The following FZD6 variants were observed in gnomAD, a reference collection of about 807,000 sequenced individuals.
FZD6 encodes the protein frizzled class receptor 6, also known as frizzled-6.
Under a neutral mutation model 61.4 loss-of-function variants are expected in FZD6, and 49 were observed. That is an observed-to-expected ratio of 0.80 (90% CI 0.63 to 1.01). The LOEUF (loss-of-function observed/expected upper bound fraction) is 1.01. FZD6 is among the 50% of genes least tolerant of loss of function. The probability of loss-of-function intolerance (pLI) is 0.00; values close to 1 mark genes in which losing one functional copy is unlikely to be tolerated. For synonymous variants in FZD6, 265 were observed against 292.2 expected (o/e 0.91, Z 0.95); for missense variants, 724 against 848.2 (o/e 0.85, Z 1.82).
intron 2 of FZD6, among the ~76,000 whole-genome samples, chr8:103,315,300 C>T (rs371065788): frequency 3.9e-5 from 6 of 152,116 alleles, no homozygotes; most frequent in East Asian, 1.9e-4. Context: ...CTCACTTCTA[C>T]GTAGCTTTAT....
intron 1 of FZD6, 60 bp downstream of exon 1, chr8:103,299,055 G>T: frequency 6.5e-6 from 1 of 152,690 alleles, no homozygotes; most frequent in Non-Finnish European, 1.5e-5. Flanking sequence ...GAAGCGGGGA[G>T]GGCCTCGAGG....
chr8:103,303,324 C>T (rs992696429), intron 2 of FZD6, among the ~76,000 whole-genome samples: 23 of 152,204 alleles, frequency 1.5e-4, no homozygotes, highest in African/African-American at 5.5e-4. Context: ...CTTTCTTCAC[C>T]TGCTCAATTC....
Position 103,332,450 on chromosome 8 carries a change from G to A in FZD6, c.*941G>A, listed in dbSNP as rs2130353737. ...AGAATATTACATTTTGTATTATACA[G>A]TACCTTTCTCAGACATTTTGTAGAA... On this transcript the variant is annotated 3_prime_UTR_variant, in exon 7 of 7. Transcript: ENST00000358755. The A allele has an allele frequency of 6.6e-6, 1 of 152,046 alleles. No individual in the cohort carries two copies. Among genetic ancestry groups the A allele is most frequent in the East Asian group, 1.9e-4 (1 of 5,184 alleles). 9.4% of individuals were successfully genotyped at this position (152,046 alleles called of 1,614,324 possible).
intron 4 of FZD6, among the ~76,000 whole-genome samples, chr8:103,325,800 G>A: frequency 6.6e-6 from 1 of 152,174 alleles, no homozygotes; most frequent in Non-Finnish European, 1.5e-5. Context: ...GACATTGGGA[G>A]AAAAACAGAA....
At chr8:103,328,628 A>G (rs1815026132) in intron 5 of FZD6, among the ~76,000 whole-genome samples, 1 of 151,690 alleles carries the variant, frequency 6.6e-6, no homozygotes, top group Non-Finnish European at 1.5e-5. Context: ...TTTATCATAT[A>G]GTATATGTCT....
rs762588534 is a variant in FZD6, at chr8:103,329,972, C to T, written c.1859C>T (p.Ser620Leu). 6.8e-6 allele frequency: 11 copies of T among 1,613,988 alleles called. No homozygotes were observed. Among genetic ancestry groups the T allele is most frequent in the East Asian group, 4.5e-5 (2 of 44,882 alleles). ...GAACAGGACTGTGGTGAACCTGCCT[C>T]GCCAGCAGCATCCATCTCCAGACTC... Reference protein sequence around the residue: ...LREQDCGEPASPAASISRLSG... With the variant: ...LREQDCGEPALPAASISRLSG... Residue 620 changes from serine to leucine, a missense_variant, in exon 6 of 7, where the codon TCG (serine) becomes TTG (leucine). By Grantham distance (145) the Ser-to-Leu change is moderately radical. Transcript: ENST00000358755.
chr8:103,320,090 G>A (rs1460510759), intron 3 of FZD6, among the ~76,000 whole-genome samples: 1 of 58,598 alleles, frequency 1.7e-5, no homozygotes, highest in Non-Finnish European at 3.1e-5. Context: ...GAAAGGATAG[G>A]ATGGCTGTGG....
chr8:103,307,719 GT>G (rs11312808), intron 2 of FZD6: 173,456 of 411,432 alleles, frequency 0.42, 23,469 homozygotes, highest in East Asian at 0.54. Flanking sequence ...TCTAAGGTGT[GT>G]TTTTTTTTTT....
chr8:103,302,725 T>C (rs1814208309), intron 2 of FZD6, among the ~76,000 whole-genome samples: 1 of 152,240 alleles, frequency 6.6e-6, no homozygotes, highest in Non-Finnish European at 1.5e-5. Context: ...AAAATTAAAC[T>C]GGGTGATTGT....
intron 2 of FZD6, among the ~76,000 whole-genome samples, chr8:103,301,577 G>T (rs1814172564): frequency 6.6e-6 from 1 of 151,900 alleles, no homozygotes; most frequent in African/African-American, 2.4e-5. Flanking sequence ...TAAGGTTTTT[G>T]TTTTTTCTTT....
At chr8:103,318,564 TA>T in intron 2 of FZD6, 25 bp from the exon 3 acceptor site, 1 of 1,318,390 alleles carries the variant, frequency 7.6e-7, no homozygotes, top group Non-Finnish European at 1.1e-6. Context: ...AAATGTTTTC[TA>T]ACTGTATCTT....
intron 3 of FZD6, among the ~76,000 whole-genome samples, chr8:103,323,215 T>G (rs1473118058): frequency 1.3e-5 from 2 of 152,174 alleles, no homozygotes; most frequent in African/African-American, 4.8e-5. Context: ...TAATGAATAC[T>G]TCTGAGGAGA....
At chr8:103,315,115 T>A (rs1814593592) in intron 2 of FZD6, among the ~76,000 whole-genome samples, 1 of 152,192 alleles carries the variant, frequency 6.6e-6, no homozygotes, top group Admixed American at 6.5e-5. Context: ...TTTCTTTCAT[T>A]TCAATGGCAT....
intron 2 of FZD6, among the ~76,000 whole-genome samples, chr8:103,304,663 A>C (rs1814278907): frequency 6.6e-6 from 1 of 152,250 alleles, no homozygotes. Context: ...TGTCTCAATA[A>C]AACTTTATTT....
At chr8:103,322,591 A>AT (rs981159246) in intron 3 of FZD6, among the ~76,000 whole-genome samples, 130 of 151,798 alleles carry the variant, frequency 8.6e-4, no homozygotes, top group Middle Eastern at 3.4e-3. Context: ...GTCTTGATTA[A>AT]TTTTTTTTTC....
At chr8:103,330,193 T>C (rs1815082772) in intron 6 of FZD6, 128 bp downstream of exon 6, 3 of 849,790 alleles carry the variant, frequency 3.5e-6, no homozygotes, top group Admixed American at 4.1e-5. Flanking sequence ...CCAAGGAAGT[T>C]TGGGTTCAGC....
chr8:103,301,415 T>G (rs758829018), intron 2 of FZD6, among the ~76,000 whole-genome samples: 1 of 152,246 alleles, frequency 6.6e-6, no homozygotes, highest in Non-Finnish European at 1.5e-5. Context: ...TGATTCAATA[T>G]GAAGTATATA....
At chr8:103,310,428 C>T (rs1814461617) in intron 2 of FZD6, among the ~76,000 whole-genome samples, 1 of 152,046 alleles carries the variant, frequency 6.6e-6, no homozygotes, top group African/African-American at 2.4e-5. Context: ...TGTGCATTGA[C>T]AACCTGCTAT....
chr8:103,329,826 TGCAGTA>T lies in FZD6; in HGVS notation c.1717_1722del (p.Val573_Ala574del). 6.2e-7 allele frequency: 1 copy of T among 1,614,020 alleles called. No individual in the cohort carries two copies. The highest frequency in any genetic ancestry group is 1.6e-4 in the Middle Eastern group (1 of 6,062). On this transcript the variant is annotated inframe_deletion, in exon 6 of 7. Transcript: ENST00000358755. Reference sequence around the variant, plus strand: ...GAGCTACAGCAAATCATGGCACTTCTGCAGTAGCAATTACTAGCCATGATTACCTAG... The same window carrying T: ...GAGCTACAGCAAATCATGGCACTTCTGCAATTACTAGCCATGATTACCTAG...
Sources: gnomAD v4.1 joint callset for allele counts (sites outside exome capture counted in the v4.1 genomes callset) on GRCh38, gnomAD v4.1.1 for gene constraint, MANE v1.5 for transcripts, NCBI Gene and HGNC (gene_info 2026-07-23, HGNC 2026-07-21) for gene names.